Variants in RBFOX1 observed in about 807,000 individuals in gnomAD.
RBFOX1 encodes RNA binding fox-1 homolog 1.
A neutral mutation model predicts 57.7 loss-of-function variants in RBFOX1; 8 were observed. The ratio of observed to expected loss-of-function variants is 0.14; its 90% CI spans 0.08 to 0.25. The LOEUF (loss-of-function observed/expected upper bound fraction) is 0.25. Ranked by LOEUF, RBFOX1 falls within the 10% of genes least tolerant of loss-of-function variation. The pLI, the probability that RBFOX1 is intolerant of heterozygous loss-of-function variation, is 1.00. For synonymous variants in RBFOX1, 326 were observed against 222.4 expected (o/e 1.47, Z -4.15); for missense variants, 611 against 548.5 (o/e 1.11, Z -1.14).
At chr16:5,804,894 G>C (rs867377580) in intron 3 of RBFOX1, among the ~76,000 whole-genome samples, 1 of 152,288 alleles carries the variant, frequency 6.6e-6, no homozygotes, top group Middle Eastern at 3.4e-3. Flanking sequence ...GTGGGGAATT[G>C]ACGGCTCTTG....
intron 3 of RBFOX1, among the ~76,000 whole-genome samples, chr16:6,926,198 TC>T (rs1186875112): frequency 1.3e-5 from 2 of 152,090 alleles, no homozygotes; most frequent in African/African-American, 4.8e-5. Context: ...TCTCAGCTAA[TC>T]CAGAGGCTGA....
chr16:6,798,407 A>AG (rs1165635428), intron 3 of RBFOX1, among the ~76,000 whole-genome samples: 1 of 152,208 alleles, frequency 6.6e-6, no homozygotes, highest in Non-Finnish European at 1.5e-5. Flanking sequence ...GGCTATCACC[A>AG]GGTGGTCCTG....
chr16:5,908,125 T>TATATATACACATATATACAC (rs2058511368), intron 4 of RBFOX1, among the ~76,000 whole-genome samples: 1 of 111,154 alleles, frequency 9.0e-6, no homozygotes. Context: ...TATATACACA[T>TATATATACACATATATACAC]ATATATATAC....
chr16:6,275,741 G>A (rs1218991194), intron 1 of RBFOX1, among the ~76,000 whole-genome samples: 1 of 152,136 alleles, frequency 6.6e-6, no homozygotes, highest in Non-Finnish European at 1.5e-5. Context: ...ATACATAAAT[G>A]CCATAGAAAA....
At chr16:5,864,918 T>C (rs1567643979) in intron 3 of RBFOX1, among the ~76,000 whole-genome samples, 1 of 152,264 alleles carries the variant, frequency 6.6e-6, no homozygotes, top group African/African-American at 2.4e-5. Context: ...TTAGTCATTA[T>C]ACTTTTTAAA....
At chr16:6,565,021 A>C (rs1419826229) in intron 2 of RBFOX1, among the ~76,000 whole-genome samples, 1 of 151,180 alleles carries the variant, frequency 6.6e-6, no homozygotes, top group African/African-American at 2.4e-5. Context: ...TGCACTTGTA[A>C]TCCTGGGGAG....
At chr16:5,286,313 G>C (rs1055037154) in intron 1 of RBFOX1, among the ~76,000 whole-genome samples, 2 of 152,076 alleles carry the variant, frequency 1.3e-5, no homozygotes, top group African/African-American at 4.8e-5. Flanking sequence ...GCACCATTGG[G>C]CTCCTGGGTG....
At position 5,834,815 on chromosome 16, in the gene RBFOX1, TAGATAGAC is replaced by T. The variant is rs1370935828; in HGVS notation, c.319-32484_319-32477del. ...ATAGATAGATAGATAGATAGATAGA[TAGATAGAC>T]AGACAGACAGACAGATTTCTTTTCC... is the stretch of plus-strand genomic sequence containing the variant. On this transcript the variant is annotated intron_variant, in intron 3 of 19. Transcript: ENST00000641259. 6.1e-3 allele frequency among the ~76,000 whole-genome samples: 610 copies of T among 100,324 alleles called. 8 individuals carry two copies. The highest frequency in any genetic ancestry group is 0.02 in the African/African-American group (582 of 28,726). 65.8% of individuals were successfully genotyped at this position (100,324 alleles called of 152,430 possible).
At position 7,532,178 on chromosome 16, in the gene RBFOX1, C is replaced by A. The variant is rs543205084; in HGVS notation, c.270+13789C>A. Among the ~76,000 whole-genome samples the A allele has an allele frequency of 3.0e-4, 45 of 148,668 alleles. No individual in the cohort carries two copies. The South Asian group carries it at 9.1e-3, about 30-fold the overall frequency. On this transcript the variant is annotated intron_variant, in intron 5 of 15. Coordinates refer to ENST00000550418, the MANE Select transcript of RBFOX1 (RefSeq NM_018723.4). ...GAAAAGCAACGGTAGGTGTAGCATT[C>A]CAATGACAGGAGGTGGGTTTCGTCC...
At chr16:5,847,365 T>G (rs150471204) in intron 3 of RBFOX1, among the ~76,000 whole-genome samples, 104 of 131,176 alleles carry the variant, frequency 7.9e-4, no homozygotes, top group East Asian at 1.0e-3. Context: ...AAAAAAAAAA[T>G]GGGGGTGGGG....
intron 4 of RBFOX1, among the ~76,000 whole-genome samples, chr16:5,909,283 T>G (rs752370883): frequency 1.1e-4 from 17 of 151,844 alleles, no homozygotes; most frequent in African/African-American, 3.4e-4. Context: ...TAGTAGAGAC[T>G]GGGTTTCACT....
At chr16:6,668,701 A>G (rs573519599) in intron 3 of RBFOX1, among the ~76,000 whole-genome samples, 4 of 152,160 alleles carry the variant, frequency 2.6e-5, no homozygotes, top group South Asian at 4.1e-4. Context: ...GTCTATGATG[A>G]TATTTGTCAT....
intron 1 of RBFOX1, among the ~76,000 whole-genome samples, chr16:5,279,799 G>T (rs1220443545): frequency 2.0e-5 from 3 of 152,204 alleles, no homozygotes; most frequent in Admixed American, 2.0e-4. Flanking sequence ...ACCTTGCGCA[G>T]CCTAATTTAT....
At chr16:7,532,132 C>CTT (rs545574581) in intron 5 of RBFOX1, among the ~76,000 whole-genome samples, 9 of 95,236 alleles carry the variant, frequency 9.5e-5, no homozygotes, top group African/African-American at 2.0e-4. Context: ...AACTAGCTAC[C>CTT]TTTTTTTTTT....
At chr16:5,528,594 C>T (rs1469761708) in intron 2 of RBFOX1, among the ~76,000 whole-genome samples, 2 of 129,462 alleles carry the variant, frequency 1.5e-5, no homozygotes, top group Non-Finnish European at 3.1e-5. Context: ...ATCCCCAATT[C>T]ATTCTCTCTC....
chr16:6,060,583 T>G (rs2095672638), intron 1 of RBFOX1, among the ~76,000 whole-genome samples: 1 of 152,196 alleles, frequency 6.6e-6, no homozygotes, highest in African/African-American at 2.4e-5. Context: ...CTTCATGCTT[T>G]GCCTATGGTG....
intron 3 of RBFOX1, among the ~76,000 whole-genome samples, chr16:5,658,210 C>G (rs1488199751): frequency 6.6e-6 from 1 of 152,152 alleles, no homozygotes; most frequent in African/African-American, 2.4e-5. Flanking sequence ...GATTTCTTCT[C>G]TTTTGTTACT....
chr16:6,965,231 T>C (rs953831949), intron 3 of RBFOX1, among the ~76,000 whole-genome samples: 15 of 152,084 alleles, frequency 9.9e-5, no homozygotes, highest in Non-Finnish European at 2.1e-4. Flanking sequence ...AAAGCATTGC[T>C]TTGCACTCAT....
chr16:6,276,081 T>C (rs1020860256), intron 1 of RBFOX1, among the ~76,000 whole-genome samples: 8 of 152,174 alleles, frequency 5.3e-5, no homozygotes, highest in African/African-American at 1.9e-4. Flanking sequence ...TATGAAGGGA[T>C]TTAACATTTT....
Sources: allele counts gnomAD v4.1 joint callset (sites outside exome capture counted in the v4.1 genomes callset), GRCh38; gene constraint gnomAD v4.1.1; transcripts MANE v1.5; gene names NCBI Gene and HGNC (gene_info 2026-07-23, HGNC 2026-07-21).